The following TBX5 variants were observed in gnomAD, a reference collection of about 807,000 sequenced individuals.
TBX5 encodes T-box transcription factor 5.
A neutral mutation model predicts 51.1 loss-of-function variants in TBX5; 8 were observed. The observed-to-expected ratio is 0.16, with a 90% CI of 0.09 to 0.28. TBX5 has a LOEUF of 0.28. Among genes scored for constraint, TBX5 ranks in the 10% least tolerant of loss-of-function variants. The probability of loss-of-function intolerance (pLI) is 1.00; values close to 1 mark genes in which losing one functional copy is unlikely to be tolerated. For missense variants in TBX5, 589 were observed against 671.7 expected (o/e 0.88, Z 1.36); for synonymous variants, 302 against 266.4 (o/e 1.13, Z -1.30).
intron 7 of TBX5, among the ~76,000 whole-genome samples, chr12:114,375,781 G>A (rs190008381): frequency 2.0e-5 from 3 of 152,190 alleles, no homozygotes; most frequent in Admixed American, 1.3e-4. Context: ...AGTGGCCCAC[G>A]TTCTGTCATC....
intron 2 of TBX5, 60 bp from the exon 3 acceptor site, chr12:114,401,980 C>A: frequency 7.1e-7 from 1 of 1,402,838 alleles, no homozygotes; most frequent in Non-Finnish European, 1.0e-6. Flanking sequence ...CATTCCTTCC[C>A]CAAACTCCCC....
intron 8 of TBX5, among the ~76,000 whole-genome samples, chr12:114,365,690 T>A (rs1869480700): frequency 6.6e-6 from 1 of 151,606 alleles, no homozygotes; most frequent in African/African-American, 2.4e-5. Context: ...TTTAGTACAG[T>A]GTGTGAACGC....
rs11067095 is a variant in TBX5 at position 114,384,395 on chromosome 12, C to T, written c.755+1081G>A. 4.1e-3 allele frequency among the ~76,000 whole-genome samples: 630 copies of T among 152,160 alleles called. 6 individuals carry two copies. The highest frequency in any genetic ancestry group is 0.015 in the African/African-American group (604 of 41,530). On this transcript the variant is annotated intron_variant, in intron 7 of 8. Coordinates refer to ENST00000405440, the MANE Select transcript of TBX5 (RefSeq NM_181486.4). ...GGTTCAAGAAATCCTCCTGCCTCGG[C>T]CTTCTGAGTAGCTGGGGCTGCAGGA...
In TBX5 at chr12:114,355,607, T is replaced by C; in HGVS notation, c.1482A>G (p.Pro494=). 6.2e-7 allele frequency: 1 copy of C among 1,614,150 alleles called. No homozygotes were observed. The highest frequency in any genetic ancestry group is 8.5e-7 in the Non-Finnish European group (1 of 1,180,030). Residue 494 remains proline (P), a synonymous_variant, in exon 9 of 9, where the codon CCA becomes CCG. Coordinates refer to ENST00000405440, the MANE Select transcript of TBX5 (RefSeq NM_181486.4). The part of the protein sequence containing the change: ...PPEFLYSHGV[P]RTLSPHQYHS... ...GGTACTGATGAGGGGATAGAGTCCT[T>C]GGCACGCCATGAGAGTAGAGGAACT...
intron 7 of TBX5, among the ~76,000 whole-genome samples, chr12:114,373,910 G>A (rs985911903): frequency 3.9e-5 from 6 of 152,154 alleles, no homozygotes; most frequent in Non-Finnish European, 8.8e-5. Context: ...CATGATTTTG[G>A]AACAGGGGTA....
intron 7 of TBX5, 126 bp downstream of exon 7, chr12:114,385,350 T>A: frequency 1.2e-6 from 1 of 845,088 alleles, no homozygotes; most frequent in Non-Finnish European, 2.0e-6. Context: ...ATTCTCCCCA[T>A]TTCCATGTGC....
chr12:114,405,634 C>A lies in TBX5; in HGVS notation c.-45G>T. The A allele has an allele frequency of 1.1e-6, 1 of 918,684 alleles. No homozygotes were observed. Among genetic ancestry groups the A allele is most frequent in the Non-Finnish European group, 1.3e-6 (1 of 769,102 alleles). The allele number at this position is 918,684 out of a possible 1,614,324, so 56.9% of individuals were successfully genotyped here. ...CATCTGCCGGGACGGTTACCTCGTT[C>A]GGTGAAGCCGGTGCATTCACCACAT... On this transcript the variant is annotated 5_prime_UTR_variant, in exon 1 of 9. Coordinates refer to ENST00000405440, the MANE Select transcript of TBX5 (RefSeq NM_181486.4).
chr12:114,403,812 C>T lies in TBX5; in HGVS notation c.87G>A (p.Glu29=), dbSNP rs527914495. Reference sequence around the variant, plus strand: ...ACTTGCTGGGGGCCCCGAGCGCGCTCTCGGGTTTCGAATCGCAGGGCAGGT... The same window carrying T: ...ACTTGCTGGGGGCCCCGAGCGCGCTTTCGGGTTTCGAATCGCAGGGCAGGT... ...AKDLPCDSKP[E]SALGAPSKSP... The change falls in exon 2 of 9, where the codon GAG becomes GAA. Residue 29 remains glutamate (E), a synonymous_variant. Transcript: ENST00000405440. 9 of 1,614,120 alleles carry T rather than the reference C, an allele frequency of 5.6e-6. No individual in the cohort carries two copies. The South Asian group carries it at 8.8e-5, about 16-fold the overall frequency.
At chr12:114,403,662 T>C (rs1044112372) in intron 2 of TBX5, 90 bp downstream of exon 2, 2 of 1,536,130 alleles carry the variant, frequency 1.3e-6, no homozygotes, top group African/African-American at 2.8e-5. Flanking sequence ...TATTTTGTTT[T>C]TGTTCTGTCC....
chr12:114,366,522 TA>T, intron 7 of TBX5, 131 bp from the exon 8 acceptor site: 1 of 843,660 alleles, frequency 1.2e-6, no homozygotes, highest in East Asian at 2.6e-5. Context: ...CTTTGATGAA[TA>T]AAATGATCCA....
At chr12:114,364,411 T>A (rs1869400411) in intron 8 of TBX5, among the ~76,000 whole-genome samples, 1 of 152,180 alleles carries the variant, frequency 6.6e-6, no homozygotes, top group Non-Finnish European at 1.5e-5. Context: ...TTTTTTGACA[T>A]CTCTGCACCA....
At chr12:114,406,307 T>A (rs1328005249), upstream of TBX5, among the ~76,000 whole-genome samples, 2 of 145,426 alleles carry the variant, frequency 1.4e-5, no homozygotes, top group Non-Finnish European at 1.5e-5. Context: ...AATAACTCCC[T>A]CCTCTCTACC....
upstream of TBX5, chr12:114,407,796 C>A (rs182891190): frequency 1.0e-6 from 1 of 985,446 alleles, no homozygotes; most frequent in African/African-American, 1.7e-5. Flanking sequence ...CCCCTCAGTC[C>A]TCCAGGGTGA....
At chr12:114,381,165 C>T (rs1199661557) in intron 7 of TBX5, among the ~76,000 whole-genome samples, 1 of 152,220 alleles carries the variant, frequency 6.6e-6, no homozygotes, top group African/African-American at 2.4e-5. Context: ...GATGGGGGAA[C>T]AGCCAGACAT....
chr12:114,407,916 C>A, upstream of TBX5: 3 of 985,484 alleles, frequency 3.0e-6, no homozygotes, highest in Non-Finnish European at 3.6e-6. Flanking sequence ...CCAAAAGAGA[C>A]CTCTTTAGGC....
intron 8 of TBX5, 167 bp downstream of exon 8, chr12:114,365,998 T>C: frequency 1.2e-6 from 1 of 819,988 alleles, no homozygotes; most frequent in Non-Finnish European, 2.0e-6. Context: ...GGGAACTTTT[T>C]GTTTTAGCTG....
At position 114,389,547 on chromosome 12, in the gene TBX5, G is replaced by C. The variant is rs1002361676; in HGVS notation, c.664-3980C>G. 9.3e-5 allele frequency among the ~76,000 whole-genome samples: 14 copies of C among 150,356 alleles called. 1 individual carries two copies. In the East Asian group the frequency reaches 2.8e-3, roughly 30 times the overall value. ...AGGCGGGCGGATCACGAGGTCAGGAGATCGAGACCATCCCGGCTAAAACGG... is the reference window on the plus strand; with the variant it reads ...AGGCGGGCGGATCACGAGGTCAGGACATCGAGACCATCCCGGCTAAAACGG... On this transcript the variant is annotated intron_variant, in intron 6 of 8. Coordinates refer to ENST00000405440, the MANE Select transcript of TBX5 (RefSeq NM_181486.4).
chr12:114,400,413 C>G (rs974708472), intron 3 of TBX5, among the ~76,000 whole-genome samples: 4 of 152,258 alleles, frequency 2.6e-5, no homozygotes, highest in Non-Finnish European at 5.9e-5. Context: ...GGAACTGTGC[C>G]GTCTCTGCTG....
intron 7 of TBX5, among the ~76,000 whole-genome samples, chr12:114,383,318 T>C (rs1279526183): frequency 1.3e-5 from 2 of 152,096 alleles, no homozygotes; most frequent in African/African-American, 4.8e-5. Flanking sequence ...GGAAAAGAGT[T>C]TGACACAGAC....
Sources: gnomAD v4.1 joint callset for allele counts (sites outside exome capture counted in the v4.1 genomes callset) on GRCh38, gnomAD v4.1.1 for gene constraint, MANE v1.5 for transcripts, NCBI Gene and HGNC (gene_info 2026-07-23, HGNC 2026-07-21) for gene names.